SLAIN1: variants seen among roughly 807,000 people sequenced by gnomAD.
SLAIN1 encodes the protein SLAIN motif-containing protein 1.
In SLAIN1, 17 loss-of-function variants were observed where a neutral mutation model predicts 55.4. The ratio of observed to expected loss-of-function variants is 0.31; its 90% CI spans 0.21 to 0.46. SLAIN1 has a LOEUF of 0.46. Among genes scored for constraint, SLAIN1 ranks in the 20% least tolerant of loss-of-function variants. The probability of loss-of-function intolerance (pLI) is 1.00; values close to 1 mark genes in which losing one functional copy is unlikely to be tolerated. For missense variants in SLAIN1, 682 were observed against 785.1 expected, an observed-to-expected ratio of 0.87 and a Z score of 1.57; for synonymous variants, 348 against 337.4, an observed-to-expected ratio of 1.03 and a Z score of -0.35.
At chr13:77,732,647 C>T (rs890055060) in intron 2 of SLAIN1, among the ~76,000 whole-genome samples, 1 of 151,914 alleles carries the variant, frequency 6.6e-6, no homozygotes, top group Non-Finnish European at 1.5e-5. Context: ...TTTAAACATG[C>T]CTTTGAAGTG....
intron 6 of SLAIN1, among the ~76,000 whole-genome samples, chr13:77,761,904 C>T (rs552430461): frequency 3.3e-5 from 5 of 152,192 alleles, no homozygotes; most frequent in Middle Eastern, 3.4e-3. Flanking sequence ...TAAATACAGA[C>T]AGCTCTTTCA....
intron 5 of SLAIN1, among the ~76,000 whole-genome samples, chr13:77,760,442 A>G (rs1475794434): frequency 3.3e-5 from 5 of 152,206 alleles, no homozygotes; most frequent in African/African-American, 1.2e-4. Context: ...AATTACAACT[A>G]TTAAAGTATC....
chr13:77,739,728 T>C (rs1036652482), intron 2 of SLAIN1, among the ~76,000 whole-genome samples: 6 of 152,088 alleles, frequency 3.9e-5, no homozygotes, highest in Non-Finnish European at 8.8e-5. Flanking sequence ...TGTGACAAAT[T>C]AAAGAAACTT....
chr13:77,752,144 A>G (rs1268432377), intron 4 of SLAIN1, among the ~76,000 whole-genome samples: 2 of 152,152 alleles, frequency 1.3e-5, no homozygotes, highest in African/African-American at 4.8e-5. Context: ...CATGAAAGTT[A>G]AAACTTTCCA....
intron 2 of SLAIN1, among the ~76,000 whole-genome samples, chr13:77,736,489 C>T (rs976264657): frequency 6.6e-6 from 1 of 152,078 alleles, no homozygotes; most frequent in East Asian, 1.9e-4. Flanking sequence ...TCCTAAAAGC[C>T]ATCCTCCCTT....
chr13:77,744,338 G>C lies in SLAIN1; in HGVS notation c.822G>C (p.Leu274=), dbSNP rs1873668557. ...CCCAGTCATCTATCGACAGTGAGCT[G>C]AGTACTTCAGAATTGGAGGATGATT... is the stretch of plus-strand genomic sequence containing the variant. ...LSPQSSIDSE[L]STSELEDDSI... The change falls in exon 3 of 7, where the codon CTG becomes CTC. Residue 274 remains leucine (L), a synonymous_variant. Transcript: ENST00000418532. The C allele has an allele frequency of 6.2e-7, 1 of 1,612,874 alleles. No individual in the cohort carries two copies. Among genetic ancestry groups the C allele is most frequent in the Admixed American group, 1.7e-5 (1 of 59,864 alleles).
intron 2 of SLAIN1, among the ~76,000 whole-genome samples, chr13:77,722,597 G>A (rs2091272200): frequency 1.3e-5 from 2 of 152,070 alleles, no homozygotes; most frequent in African/African-American, 4.8e-5. Context: ...ACTTTGGATG[G>A]TGAAGATTTA....
At chr13:77,730,936 G>A (rs1483017477) in intron 2 of SLAIN1, among the ~76,000 whole-genome samples, 2 of 152,072 alleles carry the variant, frequency 1.3e-5, no homozygotes, top group African/African-American at 2.4e-5. Flanking sequence ...AGGAAGAATG[G>A]ACAGGGCTAA....
At chr13:77,709,242 C>A (rs2091121801) in intron 1 of SLAIN1, among the ~76,000 whole-genome samples, 1 of 151,958 alleles carries the variant, frequency 6.6e-6, no homozygotes, top group African/African-American at 2.4e-5. Context: ...ATTAACAAAG[C>A]CTCCAAGAAA....
At chr13:77,701,278 A>G (rs1162135308) in intron 1 of SLAIN1, among the ~76,000 whole-genome samples, 1 of 152,192 alleles carries the variant, frequency 6.6e-6, no homozygotes, top group Non-Finnish European at 1.5e-5. Flanking sequence ...ACAAATGTAG[A>G]TTAATCACTG....
intron 4 of SLAIN1, among the ~76,000 whole-genome samples, chr13:77,752,543 G>T (rs7992445): frequency 0.21 from 31,697 of 151,950 alleles, 3,420 homozygotes; most frequent in African/African-American, 0.23. Context: ...AAGGGGCATT[G>T]ATTAAGGAGT....
intron 1 of SLAIN1, among the ~76,000 whole-genome samples, chr13:77,710,610 C>T (rs985227684): frequency 6.6e-6 from 1 of 152,146 alleles, no homozygotes; most frequent in Non-Finnish European, 1.5e-5. Flanking sequence ...TAGAGACCTA[C>T]AAGGAGACTT....
chr13:77,762,370 C>T (rs1017147809), intron 6 of SLAIN1, among the ~76,000 whole-genome samples: 1 of 152,098 alleles, frequency 6.6e-6, no homozygotes, highest in African/African-American at 2.4e-5. Context: ...TAAGCAAATG[C>T]TAGGTATTAT....
intron 1 of SLAIN1, among the ~76,000 whole-genome samples, chr13:77,702,999 T>C (rs2091046274): frequency 6.6e-6 from 1 of 152,162 alleles, no homozygotes; most frequent in South Asian, 2.1e-4. Context: ...AGTATAGTAC[T>C]CTGAAGGGAA....
chr13:77,744,537 T>G (rs1228036742), intron 3 of SLAIN1, 105 bp downstream of exon 3: 1 of 1,561,718 alleles, frequency 6.4e-7, no homozygotes, highest in Non-Finnish European at 8.7e-7. Flanking sequence ...AATAATTAGA[T>G]TCTTTCTCTC....
intron 2 of SLAIN1, among the ~76,000 whole-genome samples, chr13:77,732,594 A>G (rs941148866): frequency 2.0e-5 from 3 of 152,118 alleles, no homozygotes; most frequent in African/African-American, 7.2e-5. Flanking sequence ...ACTATAGCAG[A>G]CACACAGACC....
Position 77,698,522 on chromosome 13 carries a change from C to G in SLAIN1, c.609C>G (p.Asp203Glu). 6.9e-7 allele frequency: 1 copy of G among 1,444,820 alleles called. No individual in the cohort carries two copies. The highest frequency in any genetic ancestry group is 9.0e-7 in the Non-Finnish European group (1 of 1,106,516). The allele number at this position is 1,444,820 out of a possible 1,614,324, so 89.5% of individuals were successfully genotyped here. Residue 203 changes from aspartate (D) to glutamate (E), a missense_variant, in exon 1 of 7, where the codon GAC (aspartate) becomes GAG (glutamate). Asp to Glu is a conservative substitution (Grantham distance 45). Coordinates refer to ENST00000418532, the MANE Select transcript of SLAIN1 (RefSeq NM_001242868.2). This position sits in a 1 kb window ranked among gnomAD's most constrained non-coding sequence, Gnocchi z 4.1. Reference sequence around the variant, plus strand: ...TGGAGAGCGTAGCCGCCTGGCGGGACGAGGACGACTACACCTGGTACTGCC... The same window carrying G: ...TGGAGAGCGTAGCCGCCTGGCGGGAGGAGGACGACTACACCTGGTACTGCC... The part of the protein sequence containing the change: ...LDLESVAAWR[D>E]EDDYTWLYIG...
intron 2 of SLAIN1, among the ~76,000 whole-genome samples, chr13:77,734,409 G>A (rs1355541447): frequency 6.6e-6 from 1 of 152,104 alleles, no homozygotes; most frequent in African/African-American, 2.4e-5. Context: ...AAAAAAGCAG[G>A]ATTTGCTTCA....
At chr13:77,745,479 G>A (rs1873753334) in intron 3 of SLAIN1, among the ~76,000 whole-genome samples, 1 of 152,014 alleles carries the variant, frequency 6.6e-6, no homozygotes, top group Non-Finnish European at 1.5e-5. Context: ...GAGTAGATAA[G>A]TAGAAATAGG....
Sources: allele counts gnomAD v4.1 joint callset (sites outside exome capture counted in the v4.1 genomes callset), GRCh38; gene constraint gnomAD v4.1.1; non-coding constraint Gnocchi (gnomAD v3.1); transcripts MANE v1.5; gene names NCBI Gene and HGNC (gene_info 2026-07-23, HGNC 2026-07-21).